The following SIAH3 variants were observed in gnomAD, a reference collection of about 807,000 sequenced individuals.
The protein encoded by SIAH3 is siah E3 ubiquitin protein ligase family member 3.
SIAH3 carries 9 observed loss-of-function variants against 12.6 expected under a neutral mutation model. That is an observed-to-expected ratio of 0.72 (90% CI 0.43 to 1.25). The LOEUF is 1.25. Among genes scored for constraint, SIAH3 ranks in the 50% most tolerant of loss-of-function variants. The pLI is 0.00. For synonymous variants in SIAH3, 154 were observed against 151.1 expected (o/e 1.02, Z -0.14); for missense variants, 390 against 365.4 (o/e 1.07, Z -0.55).
At chr13:45,784,776 C>A (rs1393147139) in intron 1 of SIAH3, among the ~76,000 whole-genome samples, 1 of 152,194 alleles carries the variant, frequency 6.6e-6, no homozygotes, top group South Asian at 2.1e-4. Context: ...AGAATCTCCC[C>A]ATCATCTGTT....
At chr13:45,840,956 C>G (rs1950737993) in intron 1 of SIAH3, among the ~76,000 whole-genome samples, 1 of 152,200 alleles carries the variant, frequency 6.6e-6, no homozygotes, top group Non-Finnish European at 1.5e-5. Flanking sequence ...TAACAATATA[C>G]TACTTCCCAG....
chr13:45,828,460 C>T (rs1950686612), intron 1 of SIAH3, among the ~76,000 whole-genome samples: 3 of 152,140 alleles, frequency 2.0e-5, no homozygotes, highest in Admixed American at 2.0e-4. Context: ...GTGTCGTAGC[C>T]CACTTCTCCT....
chr13:45,816,101 G>A (rs919907803), intron 1 of SIAH3, among the ~76,000 whole-genome samples: 5 of 152,220 alleles, frequency 3.3e-5, no homozygotes, highest in South Asian at 4.1e-4. Context: ...ATGGAGGCAC[G>A]ATTGGAGCCC....
intron 1 of SIAH3, among the ~76,000 whole-genome samples, chr13:45,848,503 C>T (rs1170137087): frequency 2.0e-5 from 3 of 152,124 alleles, no homozygotes; most frequent in African/African-American, 4.8e-5. Flanking sequence ...TCAGCTTGCT[C>T]GAAGGAATCC....
intron 1 of SIAH3, among the ~76,000 whole-genome samples, chr13:45,815,823 C>T (rs1310416257): frequency 6.6e-6 from 1 of 152,198 alleles, no homozygotes; most frequent in East Asian, 1.9e-4. Context: ...GGATTAACTT[C>T]CTAGAATTCA....
In SIAH3 at chr13:45,783,865, G is replaced by C; in HGVS notation, c.328C>G (p.Pro110Ala). ...NPVTPCLCMC[P>A]LFSCQWEGRL... ...CCTTCCCACTGGCAGGAGAACAAGG[G>C]ACACATGCACAGGCAGGGCGTCACC... The change falls in exon 2 of 2, where the codon CCC becomes GCC. Residue 110 changes from proline to alanine, a missense_variant. Physicochemically the swap from Pro to Ala is conservative, Grantham distance 27. Coordinates refer to ENST00000400405, the MANE Select transcript of SIAH3 (RefSeq NM_198849.3). The C allele has an allele frequency of 1.2e-6, 2 of 1,613,956 alleles. No individual in the cohort carries two copies. The highest frequency in any genetic ancestry group is 1.7e-6 in the Non-Finnish European group (2 of 1,179,936).
At chr13:45,828,050 TG>T (rs1433349390) in intron 1 of SIAH3, among the ~76,000 whole-genome samples, 2 of 152,250 alleles carry the variant, frequency 1.3e-5, no homozygotes, top group Non-Finnish European at 2.9e-5. Flanking sequence ...CCTCTGCTAA[TG>T]GACTTTGCAA....
chr13:45,837,315 C>T (rs959982907), intron 1 of SIAH3, among the ~76,000 whole-genome samples: 2 of 152,208 alleles, frequency 1.3e-5, no homozygotes, highest in Non-Finnish European at 2.9e-5. Flanking sequence ...CTTCTCTACA[C>T]GTCAAGGCTC....
intron 1 of SIAH3, among the ~76,000 whole-genome samples, chr13:45,837,917 T>C (rs1276637549): frequency 1.3e-5 from 2 of 152,228 alleles, no homozygotes; most frequent in Non-Finnish European, 2.9e-5. Context: ...GACTTTTCTT[T>C]TCTACTAAAT....
At chr13:45,788,281 T>C (rs1416145350) in intron 1 of SIAH3, among the ~76,000 whole-genome samples, 2 of 152,190 alleles carry the variant, frequency 1.3e-5, no homozygotes, top group Non-Finnish European at 2.9e-5. Context: ...TTTCAGAAAA[T>C]GAATTCCAAT....
chr13:45,791,223 G>A (rs938603658), intron 1 of SIAH3, among the ~76,000 whole-genome samples: 2 of 152,110 alleles, frequency 1.3e-5, no homozygotes, highest in Non-Finnish European at 2.9e-5. Context: ...CCTCAACTAG[G>A]TTGGAAGTCA....
chr13:45,812,231 T>C (rs1165052759), intron 1 of SIAH3, among the ~76,000 whole-genome samples: 3 of 152,090 alleles, frequency 2.0e-5, no homozygotes, highest in Non-Finnish European at 4.4e-5. Flanking sequence ...TGCTTTCCAG[T>C]TTTCAAGGAC....
At position 45,851,514 on chromosome 13, in the gene SIAH3, T is replaced by C. The variant is rs1284673720; in HGVS notation, c.116A>G (p.Asn39Ser). 1 of 1,613,668 alleles carries C rather than the reference T, an allele frequency of 6.2e-7. No homozygotes were observed. The highest frequency in any genetic ancestry group is 1.1e-5 in the South Asian group (1 of 91,056). Residue 39 changes from asparagine (N) to serine (S), a missense_variant, in exon 1 of 2, where the codon AAC (asparagine) becomes AGC (serine). Asn to Ser is a conservative substitution (Grantham distance 46). Coordinates refer to ENST00000400405, the MANE Select transcript of SIAH3 (RefSeq NM_198849.3). ...SAAGQLVCVV[N>S]PTHNLKYVSS... ...ACTCACCTTTAGGTTGTGTGTGGGG[T>C]TGACGACACAGACAAGTTGCCCGGC... is the stretch of plus-strand genomic sequence containing the variant.
intron 1 of SIAH3, among the ~76,000 whole-genome samples, chr13:45,811,415 C>T (rs894349833): frequency 2.6e-5 from 4 of 152,126 alleles, no homozygotes; most frequent in Non-Finnish European, 5.9e-5. Context: ...TGTAATAGAA[C>T]GTTTTGAAAG....
rs1566084445 is a variant in SIAH3 at position 45,780,312 on chromosome 13, CAG to C, written c.*3069_*3070del. On this transcript the variant is annotated 3_prime_UTR_variant, in exon 2 of 2. Transcript: ENST00000400405. Reference sequence around the variant, plus strand: ...AGAGATAGGGTCTCACTCTGTTGCCCAGGCTGGAGTTACAAGTGGTGCAATCA... The same window carrying C: ...AGAGATAGGGTCTCACTCTGTTGCCCGCTGGAGTTACAAGTGGTGCAATCA... The C allele has an allele frequency of 6.6e-6, 1 of 151,884 alleles. No homozygotes were observed. The highest frequency in any genetic ancestry group is 1.5e-5 in the Non-Finnish European group (1 of 68,042). 9.4% of individuals were successfully genotyped at this position (151,884 alleles called of 1,614,324 possible).
chr13:45,811,009 G>C (rs532825775), intron 1 of SIAH3, among the ~76,000 whole-genome samples: 2 of 152,326 alleles, frequency 1.3e-5, no homozygotes, highest in South Asian at 4.1e-4. Flanking sequence ...AAATAGGAAA[G>C]AGATTAAGAG....
intron 1 of SIAH3, among the ~76,000 whole-genome samples, chr13:45,806,451 C>T (rs556280062): frequency 1.2e-4 from 19 of 152,168 alleles, no homozygotes; most frequent in South Asian, 8.3e-4. Flanking sequence ...TGATATTAAG[C>T]GAAGTAATGC....
At chr13:45,841,500 C>A (rs1950740010) in intron 1 of SIAH3, among the ~76,000 whole-genome samples, 1 of 152,114 alleles carries the variant, frequency 6.6e-6, no homozygotes, top group Non-Finnish European at 1.5e-5. Flanking sequence ...CTGGAAACAG[C>A]CCTGCAATGA....
intron 1 of SIAH3, among the ~76,000 whole-genome samples, chr13:45,785,759 G>A (rs745890966): frequency 2.0e-5 from 3 of 152,064 alleles, no homozygotes; most frequent in Non-Finnish European, 2.9e-5. Context: ...TTCCAGTAGC[G>A]CCTGTCCTGC....
Sources: allele counts gnomAD v4.1 joint callset (sites outside exome capture counted in the v4.1 genomes callset), GRCh38; gene constraint gnomAD v4.1.1; transcripts MANE v1.5; gene names NCBI Gene and HGNC (gene_info 2026-07-23, HGNC 2026-07-21).